Variants in HSD17B3 observed in about 807,000 individuals in gnomAD.
HSD17B3 encodes hydroxysteroid 17-beta dehydrogenase 3.
In HSD17B3, 29 loss-of-function variants were observed where a neutral mutation model predicts 41.1. That is an observed-to-expected ratio of 0.71 (90% CI 0.53 to 0.96). HSD17B3 has a LOEUF of 0.96. HSD17B3 is among the 40% of genes least tolerant of loss of function. HSD17B3 has a pLI of 0.00. For synonymous variants in HSD17B3, 126 were observed against 145.6 expected, an observed-to-expected ratio of 0.87 and a Z score of 0.97; for missense variants, 323 against 374.6, an observed-to-expected ratio of 0.86 and a Z score of 1.14.
chr9:96,262,967 T>C (rs949202430), intron 2 of HSD17B3, among the ~76,000 whole-genome samples: 2 of 152,236 alleles, frequency 1.3e-5, no homozygotes, highest in Non-Finnish European at 2.9e-5. Context: ...TGCTGTCTTA[T>C]TTATGAGTTT....
rs371391168 is a variant in HSD17B3 at position 96,301,930 on chromosome 9, T to A, written c.154+21A>T. The A allele has an allele frequency of 2.5e-5, 41 of 1,609,418 alleles. No homozygotes were observed. In the East Asian group the frequency reaches 8.3e-4, roughly 32 times the overall value. On this transcript the variant is annotated intron_variant, in intron 1 of 10. Coordinates refer to ENST00000375263, the MANE Select transcript of HSD17B3 (RefSeq NM_000197.2). ...CAGGAACAACAGCAGCAAAAAAACATGAGATGGAACACTCCCTTACCTGCC... is the reference window on the plus strand; with the variant it reads ...CAGGAACAACAGCAGCAAAAAAACAAGAGATGGAACACTCCCTTACCTGCC...
chr9:96,250,556 G>C lies in HSD17B3; in HGVS notation c.454-770C>G, dbSNP rs780551541. The C allele has an allele frequency of 5.1e-4, 434 of 843,098 alleles. 1 individual carries two copies. Among genetic ancestry groups the C allele is most frequent in the Non-Finnish European group, 5.9e-4 (405 of 685,936 alleles). 52.2% of individuals were successfully genotyped at this position (843,098 alleles called of 1,614,324 possible). ...GTAGCCCTAATGACTCCAAAGGTCA[G>C]GGCCTAAGAAAGGGTCAACAAATTG... On this transcript the variant is annotated intron_variant, in intron 5 of 10. Transcript: ENST00000375263.
chr9:96,235,379 G>A lies in HSD17B3; in HGVS notation c.*81C>T, dbSNP rs1836192609. ...TCCATCTTCAGCGGACTAGGTTGAA[G>A]TGCTGGTCTGCTCCTCTGGTCCTCT... On this transcript the variant is annotated 3_prime_UTR_variant, in exon 11 of 11. Coordinates refer to ENST00000375263, the MANE Select transcript of HSD17B3 (RefSeq NM_000197.2). 1 of 941,760 alleles carries A rather than the reference G, an allele frequency of 1.1e-6. No individual in the cohort carries two copies. Among genetic ancestry groups the A allele is most frequent in the South Asian group, 1.4e-5 (1 of 72,302 alleles). 58.3% of individuals were successfully genotyped at this position (941,760 alleles called of 1,614,324 possible).
chr9:96,280,034 G>C (rs1826625354), intron 2 of HSD17B3, among the ~76,000 whole-genome samples: 1 of 152,148 alleles, frequency 6.6e-6, no homozygotes, highest in Admixed American at 6.5e-5. Flanking sequence ...CTCCCAAAGT[G>C]CTGGGACTAC....
At chr9:96,237,711 G>A (rs1418416937) in intron 10 of HSD17B3, among the ~76,000 whole-genome samples, 3 of 152,196 alleles carry the variant, frequency 2.0e-5, no homozygotes, top group Admixed American at 6.5e-5. Flanking sequence ...AATGATTAAC[G>A]TATTTTCATT....
intron 10 of HSD17B3, among the ~76,000 whole-genome samples, chr9:96,238,684 C>A (rs1310136160): frequency 6.6e-6 from 1 of 152,058 alleles, no homozygotes; most frequent in Non-Finnish European, 1.5e-5. Context: ...TGTAATTTTT[C>A]TTTCCTGGAG....
chr9:96,258,683 T>C (rs1330908549), intron 2 of HSD17B3, among the ~76,000 whole-genome samples: 1 of 152,200 alleles, frequency 6.6e-6, no homozygotes, highest in Admixed American at 6.5e-5. Context: ...TAGACAAGTA[T>C]TGAGGTAGGG....
At chr9:96,260,678 T>TC (rs1825822390) in intron 2 of HSD17B3, among the ~76,000 whole-genome samples, 1 of 151,798 alleles carries the variant, frequency 6.6e-6, no homozygotes, top group Non-Finnish European at 1.5e-5. Flanking sequence ...GGCAAGAAAA[T>TC]CGCTTGAATC....
At chr9:96,257,728 T>G (rs944601359) in intron 2 of HSD17B3, among the ~76,000 whole-genome samples, 2 of 152,230 alleles carry the variant, frequency 1.3e-5, no homozygotes, top group Non-Finnish European at 2.9e-5. Flanking sequence ...CTTGCTACAG[T>G]GCAAGCCCTT....
chr9:96,299,812 T>C (rs2130801696), intron 1 of HSD17B3, among the ~76,000 whole-genome samples: 1 of 152,280 alleles, frequency 6.6e-6, no homozygotes, highest in South Asian at 2.1e-4. Context: ...GTACTCTATC[T>C]GAGGAATTAA....
Position 96,252,805 on chromosome 9 carries a change from A to C in HSD17B3, c.383T>G (p.Leu128Ter), listed in dbSNP as rs767765046. ...TTTGCATCTTGCAATTTACTCACCT[A>C]AAATTCCAATTTCTAAGCCTGCAAG... Reference protein sequence around the residue: ...EKLAGLEIGILVNNVGMLPNL... With the variant: ...EKLAGLEIGI The change falls in exon 4 of 11, where the codon TTA becomes TGA. Residue 128 changes from leucine to a stop codon, truncating the protein, a stop_gained and splice_region_variant. Coordinates refer to ENST00000375263, the MANE Select transcript of HSD17B3 (RefSeq NM_000197.2). LOFTEE classifies it high-confidence loss of function. The C allele has an allele frequency of 4.6e-5, 73 of 1,574,776 alleles. No homozygotes were observed. The highest frequency in any genetic ancestry group is 6.2e-5 in the Non-Finnish European group (71 of 1,144,324).
rs55707445 is a variant in HSD17B3, at chr9:96,300,209, GACACACACAC to G, written c.154+1732_154+1741del. Among the ~76,000 whole-genome samples, 139 of 116,376 alleles carry G rather than the reference GACACACACAC, an allele frequency of 1.2e-3. 1 individual carries two copies. In the East Asian group the frequency reaches 0.021, roughly 18 times the overall value. The allele number at this position is 116,376 out of a possible 152,430, so 76.3% of individuals were successfully genotyped here. A position where few individuals can be genotyped will look rare whatever the true frequency, so the allele number is the denominator to read the frequency against. Reference sequence around the variant, plus strand: ...TCCTGACAGCATAATACCCCAAGAGGACACACACACACACACACACACACACACACACACA... The same window carrying G: ...TCCTGACAGCATAATACCCCAAGAGGACACACACACACACACACACACACA... On this transcript the variant is annotated intron_variant, in intron 1 of 10. Transcript: ENST00000375263.
chr9:96,240,959 A>G (rs746777572), intron 9 of HSD17B3, 52 bp from the exon 10 acceptor site: 104 of 1,609,268 alleles, frequency 6.5e-5, no homozygotes, highest in Non-Finnish European at 8.1e-5. Flanking sequence ...CCCAGGAAGA[A>G]GACTCAGAAA....
At chr9:96,252,765 T>C (rs1825472409) in intron 4 of HSD17B3, 38 bp downstream of exon 4, 4 of 1,024,776 alleles carry the variant, frequency 3.9e-6, no homozygotes, top group Non-Finnish European at 4.7e-6. Context: ...ATTTCACTGA[T>C]GTATGACAAC....
intron 2 of HSD17B3, among the ~76,000 whole-genome samples, chr9:96,284,381 G>A (rs1037110144): frequency 1.2e-4 from 19 of 152,118 alleles, no homozygotes; most frequent in Non-Finnish European, 2.1e-4. Context: ...AAAATTTGGA[G>A]CACATTTGTT....
chr9:96,250,887 C>CAA (rs34131940), intron 5 of HSD17B3, among the ~76,000 whole-genome samples: 35,466 of 114,720 alleles, frequency 0.31, 5,069 homozygotes, highest in African/African-American at 0.39. Flanking sequence ...GACTCCATCT[C>CAA]AAAAAAAAAA....
chr9:96,245,951 T>C (rs899263955), intron 7 of HSD17B3, among the ~76,000 whole-genome samples: 1 of 152,194 alleles, frequency 6.6e-6, no homozygotes, highest in Admixed American at 6.5e-5. Flanking sequence ...TGAAATTTAA[T>C]ATTCTTAATC....
At chr9:96,260,870 C>T (rs1421045349) in intron 2 of HSD17B3, among the ~76,000 whole-genome samples, 1 of 152,152 alleles carries the variant, frequency 6.6e-6, no homozygotes, top group Non-Finnish European at 1.5e-5. Context: ...ACTGTGACTC[C>T]CATCCCCCTC....
rs869145717 is a variant in HSD17B3 at position 96,255,367 on chromosome 9, C to CTTTTTTTTTTTTTTTTTTTTTTT, written c.202-447_202-425dup. On this transcript the variant is annotated intron_variant, in intron 2 of 10. Transcript: ENST00000375263. ...AAGCAGTGTTTCTGCCCCAACATTT[C>CTTTTTTTTTTTTTTTTTTTTTTT]TTTTTTTTTTTTTTTTTTTTTTTTT... Among the ~76,000 whole-genome samples, 8 of 54,566 alleles carry CTTTTTTTTTTTTTTTTTTTTTTT rather than the reference C, an allele frequency of 1.5e-4. 2 individuals are homozygous for CTTTTTTTTTTTTTTTTTTTTTTT. The highest frequency in any genetic ancestry group is 2.7e-4 in the Non-Finnish European group (8 of 29,474). 35.8% of individuals were successfully genotyped at this position (54,566 alleles called of 152,430 possible). A position where few individuals can be genotyped will look rare whatever the true frequency, so the allele number is the denominator to read the frequency against.
Sources: gnomAD v4.1 joint callset for allele counts (sites outside exome capture counted in the v4.1 genomes callset) on GRCh38, gnomAD v4.1.1 for gene constraint, MANE v1.5 for transcripts, NCBI Gene and HGNC (gene_info 2026-07-23, HGNC 2026-07-21) for gene names.